Variants in CFAP141 observed in about 807,000 individuals in gnomAD.
CFAP141 encodes the protein cilia- and flagella-associated protein 141.
At chr1:154,204,788 C>T in the CFAP141 span, among the ~76,000 whole-genome samples, 18 of 151,984 alleles carry the variant, frequency 1.2e-4, no homozygotes, top group East Asian at 2.9e-3. Flanking sequence ...TCTCGAGCTC[C>T]TGGGCTCAAG....
At chr1:154,199,379 T>A in the CFAP141 span, 3 of 1,297,228 alleles carry the variant, frequency 2.3e-6, no homozygotes, top group Non-Finnish European at 3.3e-6. Context: ...TCTAGAAGGC[T>A]AGGTTAGCAG....
the CFAP141 span, chr1:154,205,574 A>G: frequency 6.2e-7 from 1 of 1,610,522 alleles, no homozygotes; most frequent in Non-Finnish European, 8.5e-7. Context: ...TCAAAGGTAA[A>G]GGGAGGGGAT....
the CFAP141 span, chr1:154,199,541 G>A: frequency 1.9e-6 from 3 of 1,551,540 alleles, no homozygotes; most frequent in Admixed American, 5.5e-5. Flanking sequence ...GGTGGAGAGG[G>A]CAGAATAGAG....
chr1:154,201,893 C>T, the CFAP141 span, among the ~76,000 whole-genome samples: 2 of 152,070 alleles, frequency 1.3e-5, no homozygotes, highest in Non-Finnish European at 2.9e-5. Flanking sequence ...GCCTCATCCT[C>T]CTGAGTAGCT....
At chr1:154,204,385 A>G in the CFAP141 span, among the ~76,000 whole-genome samples, 1 of 152,016 alleles carries the variant, frequency 6.6e-6, no homozygotes, top group African/African-American at 2.4e-5. Flanking sequence ...CCCATTTCAG[A>G]CCACTTTTAT....
chr1:154,203,398 T>A, the CFAP141 span, among the ~76,000 whole-genome samples: 3 of 149,954 alleles, frequency 2.0e-5, no homozygotes, highest in Non-Finnish European at 4.5e-5. Flanking sequence ...TAGCTGGGAT[T>A]ATAGGCGTGT....
At chr1:154,204,085 C>A in the CFAP141 span, among the ~76,000 whole-genome samples, 7 of 147,090 alleles carry the variant, frequency 4.8e-5, no homozygotes, top group Non-Finnish European at 1.1e-4. Context: ...GAGCGAAACT[C>A]CATCTCAATA....
At chr1:154,204,918 G>GGCTGGAGT in the CFAP141 span, among the ~76,000 whole-genome samples, 1 of 147,628 alleles carries the variant, frequency 6.8e-6, no homozygotes, top group Non-Finnish European at 1.5e-5. Context: ...CTGTCACCCA[G>GGCTGGAGT]GCTGGAGTGC....
chr1:154,200,968 G>C, the CFAP141 span, among the ~76,000 whole-genome samples: 1 of 152,178 alleles, frequency 6.6e-6, no homozygotes, highest in African/African-American at 2.4e-5. Flanking sequence ...ATAGGTGTGA[G>C]CCACCACGCC....
At chr1:154,206,307 T>A in the CFAP141 span, 2 of 1,614,018 alleles carry the variant, frequency 1.2e-6, no homozygotes, top group Non-Finnish European at 1.7e-6. Flanking sequence ...TCCACAGACA[T>A]GTCTATAGAT....
the CFAP141 span, among the ~76,000 whole-genome samples, chr1:154,204,091 CAATAAATAAATA>C: frequency 6.6e-6 from 1 of 151,366 alleles, no homozygotes; most frequent in African/African-American, 2.4e-5. Flanking sequence ...AACTCCATCT[CAATAAATAAATA>C]AATAAATAAA....
the CFAP141 span, among the ~76,000 whole-genome samples, chr1:154,199,705 T>C: frequency 6.6e-6 from 1 of 152,158 alleles, no homozygotes; most frequent in Non-Finnish European, 1.5e-5. Context: ...ATCCAATTTT[T>C]TTCTCCACAG....
the CFAP141 span, among the ~76,000 whole-genome samples, chr1:154,204,506 C>T: frequency 6.6e-6 from 1 of 152,050 alleles, no homozygotes; most frequent in African/African-American, 2.4e-5. Flanking sequence ...GTCTCGAACT[C>T]CTGAGCTCAA....
At chr1:154,199,714 A>G in the CFAP141 span, among the ~76,000 whole-genome samples, 71 of 152,250 alleles carry the variant, frequency 4.7e-4, no homozygotes, top group East Asian at 0.012. Context: ...TTTTCTCCAC[A>G]GGCAAAGCCC....
chr1:154,202,661 C>T, the CFAP141 span, among the ~76,000 whole-genome samples: 6 of 151,554 alleles, frequency 4.0e-5, no homozygotes, highest in East Asian at 3.9e-4. Context: ...ATTAGCTGGG[C>T]GCAGTGGCGG....
At chr1:154,202,881 G>A in the CFAP141 span, among the ~76,000 whole-genome samples, 1 of 151,822 alleles carries the variant, frequency 6.6e-6, no homozygotes, top group Non-Finnish European at 1.5e-5. Context: ...AGCACTTCGG[G>A]AGGCTGAGGC....
chr1:154,206,275 C>G, the CFAP141 span: 16 of 1,613,952 alleles, frequency 9.9e-6, no homozygotes, highest in African/African-American at 6.7e-5. Flanking sequence ...CTCTGCATAC[C>G]TCTTCTACTT....
chr1:154,203,172 AATATATAT>A, the CFAP141 span, among the ~76,000 whole-genome samples: 13 of 29,520 alleles, frequency 4.4e-4, no homozygotes, highest in Non-Finnish European at 6.0e-4. Context: ...TGACTGGGCA[AATATATAT>A]ATATATATAT....
At chr1:154,200,618 TG>T in the CFAP141 span, 2 of 1,612,926 alleles carry the variant, frequency 1.2e-6, no homozygotes, top group Non-Finnish European at 1.7e-6. Flanking sequence ...GGGGGTTGAA[TG>T]GGTGGGTTAG....
Sources: allele counts gnomAD v4.1 joint callset (sites outside exome capture counted in the v4.1 genomes callset), GRCh38; gene constraint gnomAD v4.1.1; transcripts MANE v1.5; gene names NCBI Gene and HGNC (gene_info 2026-07-23, HGNC 2026-07-21).